The following CFAP53 variants were observed in gnomAD, a reference collection of about 807,000 sequenced individuals.
The protein encoded by CFAP53 is cilia and flagella associated protein 53, also known as cilia- and flagella-associated protein 53.
Under a neutral mutation model 59.7 loss-of-function variants are expected in CFAP53, and 62 were observed. The observed-to-expected ratio is 1.04, with a 90% confidence interval of 0.85 to 1.28. The LOEUF (loss-of-function observed/expected upper bound fraction) is 1.28, where lower values mean the gene tolerates loss of function less well. CFAP53 is among the 50% of genes most tolerant of loss of function. CFAP53 has a pLI of 0.00. For synonymous variants in CFAP53, 218 were observed against 205.7 expected, an observed-to-expected ratio of 1.06 and a Z score of -0.51; for missense variants, 629 against 615.6, an observed-to-expected ratio of 1.02 and a Z score of -0.23.
intron 6 of CFAP53, among the ~76,000 whole-genome samples, chr18:50,239,300 G>A (rs1265997262): frequency 6.6e-6 from 1 of 151,788 alleles, no homozygotes; most frequent in Non-Finnish European, 1.5e-5. Flanking sequence ...AGGCACAAGT[G>A]CCTAGATCGT....
intron 7 of CFAP53, among the ~76,000 whole-genome samples, chr18:50,227,946 A>G (rs1366922862): frequency 8.6e-6 from 1 of 115,936 alleles, no homozygotes; most frequent in Non-Finnish European, 1.7e-5. Context: ...GCTCAATTCA[A>G]CTTTTCTCCT....
In CFAP53 at chr18:50,250,852, T is replaced by C; in HGVS notation, c.902A>G (p.Gln301Arg). The C allele has an allele frequency of 6.2e-7, 1 of 1,614,210 alleles. No homozygotes were observed. The highest frequency in any genetic ancestry group is 8.5e-7 in the Non-Finnish European group (1 of 1,180,010). Residue 301 changes from glutamine (Q) to arginine (R), a missense_variant, in exon 5 of 8, where the codon CAG (glutamine) becomes CGG (arginine). Coordinates refer to ENST00000398545, the MANE Select transcript of CFAP53 (RefSeq NM_145020.5). ...CAAGTCCTGTTCGTCTCTGTATTCC[T>C]GCTGAATATGTTCTATCCTCTCTTG... ...ALQERIEHIQQEYRDEQDLNM... is the reference protein window; with the variant it reads ...ALQERIEHIQREYRDEQDLNM...
intron 3 of CFAP53, among the ~76,000 whole-genome samples, chr18:50,257,008 C>T (rs9961270): frequency 6.7e-6 from 1 of 148,942 alleles, no homozygotes; most frequent in African/African-American, 2.5e-5. Flanking sequence ...GAAGTAGGAG[C>T]CCAAAAATAC....
At chr18:50,232,874 TTCC>T (rs747879398) in intron 7 of CFAP53, among the ~76,000 whole-genome samples, 26 of 152,240 alleles carry the variant, frequency 1.7e-4, no homozygotes, top group Non-Finnish European at 3.7e-4. Context: ...TCTCCATTCC[TTCC>T]TTTTCTTTTT....
chr18:50,257,610 A>G (rs991347072), intron 3 of CFAP53, among the ~76,000 whole-genome samples: 2 of 152,266 alleles, frequency 1.3e-5, no homozygotes, highest in Admixed American at 6.5e-5. Context: ...GAAATTGAAG[A>G]GGACATCAAA....
chr18:50,260,598 G>A (rs1049795900), intron 3 of CFAP53, among the ~76,000 whole-genome samples: 1 of 152,140 alleles, frequency 6.6e-6, no homozygotes, highest in African/African-American at 2.4e-5. Flanking sequence ...CTCAGGAGGT[G>A]GAGGTTGTAG....
chr18:50,251,537 T>G lies in CFAP53; in HGVS notation c.721A>C (p.Ile241Leu). ...RLGLNAQITS[I>L]KAQRQATQLL... ...TGTGTCGCCTGCCTTTGTGCCTTGATGCTGGTGATCTGGGCATTCAGCCCC... is the reference window on the plus strand; with the variant it reads ...TGTGTCGCCTGCCTTTGTGCCTTGAGGCTGGTGATCTGGGCATTCAGCCCC... The change falls in exon 4 of 8, where the codon ATC becomes CTC. Residue 241 changes from isoleucine (I) to leucine (L), a missense_variant. Physicochemically the swap from Ile to Leu is conservative, Grantham distance 5 (BLOSUM62 2). Coordinates refer to ENST00000398545, the MANE Select transcript of CFAP53 (RefSeq NM_145020.5). The G allele has an allele frequency of 6.2e-7, 1 of 1,614,224 alleles. No individual in the cohort carries two copies. Among genetic ancestry groups the G allele is most frequent in the African/African-American group, 1.3e-5 (1 of 75,082 alleles).
At chr18:50,245,973 G>T (rs541020593) in intron 5 of CFAP53, among the ~76,000 whole-genome samples, 1 of 152,216 alleles carries the variant, frequency 6.6e-6, no homozygotes, top group African/African-American at 2.4e-5. Context: ...TCACTGCAAC[G>T]TCCGCCTCCC....
At chr18:50,261,722 A>C (rs1328125301) in intron 2 of CFAP53, among the ~76,000 whole-genome samples, 1 of 152,204 alleles carries the variant, frequency 6.6e-6, no homozygotes, top group Non-Finnish European at 1.5e-5. Context: ...GATCACATAC[A>C]AATAAGATAC....
intron 7 of CFAP53, among the ~76,000 whole-genome samples, chr18:50,233,409 T>C (rs2033600687): frequency 6.6e-6 from 1 of 152,214 alleles, no homozygotes; most frequent in Non-Finnish European, 1.5e-5. Flanking sequence ...ACCCTCTTAA[T>C]ATTGATGCTT....
chr18:50,243,938 C>T lies in CFAP53; in HGVS notation c.997-822G>A, dbSNP rs557771961. On this transcript the variant is annotated intron_variant, in intron 5 of 7. Transcript: ENST00000398545. ...CTGCACTCCAGCCTGGGCGACAGAG[C>T]GAGACTCCGTTTCAAAAAAAAAAAA... Among the ~76,000 whole-genome samples the T allele has an allele frequency of 4.0e-5, 6 of 149,148 alleles. No individual in the cohort carries two copies. In the East Asian group the frequency reaches 5.9e-4, roughly 15 times the overall value.
chr18:50,243,071 G>A lies in CFAP53; in HGVS notation c.1042C>T (p.Gln348Ter), dbSNP rs753500051. 2 of 1,613,166 alleles carry A rather than the reference G, an allele frequency of 1.2e-6. No individual in the cohort carries two copies. The highest frequency in any genetic ancestry group is 1.7e-6 in the Non-Finnish European group (2 of 1,179,582). ...EQKIYHKYLA[Q>*]RREEEKAQEK... The stretch of plus-strand genomic sequence containing the variant: ...TGAGCTTTTTCTTCCTCACGTCTCT[G>A]TGCCAAATATTTATGGTATATCTTC... Residue 348 changes from glutamine to a stop codon, truncating the protein, a stop_gained, in exon 6 of 8, where the codon CAG becomes TAG. Transcript: ENST00000398545. LOFTEE classifies it high-confidence loss of function.
intron 5 of CFAP53, among the ~76,000 whole-genome samples, chr18:50,246,874 C>T (rs1313512715): frequency 6.6e-6 from 1 of 150,952 alleles, no homozygotes; most frequent in Non-Finnish European, 1.5e-5. Context: ...GGTGAAACCC[C>T]GTCTCTACTA....
intron 7 of CFAP53, among the ~76,000 whole-genome samples, chr18:50,229,056 C>G (rs907552127): frequency 6.6e-6 from 1 of 152,182 alleles, no homozygotes. Context: ...CTACTGCACC[C>G]CAGCCTGGGC....
intron 3 of CFAP53, among the ~76,000 whole-genome samples, chr18:50,252,869 A>T (rs1172492709): frequency 1.3e-5 from 2 of 152,248 alleles, no homozygotes; most frequent in Non-Finnish European, 2.9e-5. Flanking sequence ...TTAAAAAATT[A>T]GCTAGGCATG....
intron 7 of CFAP53, among the ~76,000 whole-genome samples, chr18:50,230,464 A>G (rs756002673): frequency 6.6e-6 from 1 of 152,236 alleles, no homozygotes; most frequent in Non-Finnish European, 1.5e-5. Flanking sequence ...CGCAGAGAGC[A>G]CGGAAGCCCC....
At chr18:50,238,745 A>G in intron 6 of CFAP53, 40 bp from the exon 7 acceptor site, 1 of 1,482,608 alleles carries the variant, frequency 6.7e-7, no homozygotes, top group Non-Finnish European at 9.4e-7. Flanking sequence ...AATGACTTTC[A>G]GACAAGAATT....
At chr18:50,230,185 G>A (rs887719903) in intron 7 of CFAP53, among the ~76,000 whole-genome samples, 3 of 152,174 alleles carry the variant, frequency 2.0e-5, no homozygotes, top group African/African-American at 7.2e-5. Flanking sequence ...GTAATTTCCT[G>A]AGTGATAAAA....
chr18:50,260,959 A>T, intron 3 of CFAP53, 105 bp downstream of exon 3: 1 of 1,117,266 alleles, frequency 9.0e-7, no homozygotes, highest in Non-Finnish European at 1.3e-6. Context: ...AGTTACAACT[A>T]CTCTGTATAT....
Sources: allele counts gnomAD v4.1 joint callset (sites outside exome capture counted in the v4.1 genomes callset), GRCh38; gene constraint gnomAD v4.1.1; transcripts MANE v1.5; gene names NCBI Gene and HGNC (gene_info 2026-07-23, HGNC 2026-07-21).